Variants in RNF213 observed in about 807,000 individuals in gnomAD.
RNF213 encodes the protein ring finger protein 213.
RNF213 carries 341 observed loss-of-function variants against 514.4 expected under a neutral mutation model. That is an observed-to-expected ratio of 0.66 (90% CI 0.61 to 0.73). The LOEUF (loss-of-function observed/expected upper bound fraction) is 0.73, where lower values mean the gene tolerates loss of function less well. RNF213 is among the 30% of genes least tolerant of loss of function. RNF213 has a pLI of 0.00. For missense variants in RNF213, 5,767 were observed against 6,615.6 expected (o/e 0.87, Z 4.45); for synonymous variants, 2,655 against 2,658.2 (o/e 1.00, Z 0.04).
At chr17:80,307,254 TC>T (rs2045396194) in intron 13 of RNF213, 53 bp downstream of exon 13, 1 of 1,522,750 alleles carries the variant, frequency 6.6e-7, no homozygotes, top group Admixed American at 1.7e-5. Flanking sequence ...CCCGGGGGCT[TC>T]CTCTGACCCC....
rs2078267036 is a variant in RNF213, at chr17:80,345,136, C to T, written c.6801C>T (p.Leu2267=). The T allele has an allele frequency of 1.2e-6, 2 of 1,614,010 alleles. No individual in the cohort carries two copies. Among genetic ancestry groups the T allele is most frequent in the Admixed American group, 1.7e-5 (1 of 59,994 alleles). ...FMARDFATPS[L]HTSDQSPGKH... ...CAAGAGATTTTGCCACACCATCACT[C>T]CACACCTCTGACCAAAGCCCGGGGA... The change falls in exon 29 of 68, where the codon CTC becomes CTT. Residue 2267 remains leucine (L), a synonymous_variant. Transcript: ENST00000582970. The surrounding 1 kb of genome is among the most constrained non-coding windows in gnomAD (Gnocchi z 6.0).
At chr17:80,368,921 A>T (rs2079393369) in intron 44 of RNF213, among the ~76,000 whole-genome samples, 1 of 152,098 alleles carries the variant, frequency 6.6e-6, no homozygotes, top group South Asian at 2.1e-4. Context: ...GCCTCCTAAA[A>T]GTGGGGCACC....
At chr17:80,300,386 A>G (rs8070920) in intron 11 of RNF213, among the ~76,000 whole-genome samples, 67,427 of 151,110 alleles carry the variant, frequency 0.45, 17,427 homozygotes, top group African/African-American at 0.73. Context: ...TGGGATTGGT[A>G]GTGTGCGCCA....
At chr17:80,342,800 C>T (rs2078199496) in intron 26 of RNF213, among the ~76,000 whole-genome samples, 1 of 148,282 alleles carries the variant, frequency 6.7e-6, no homozygotes, top group Non-Finnish European at 1.5e-5. Flanking sequence ...TTCGCTCTGT[C>T]ACCCTAACGA....
intron 20 of RNF213, among the ~76,000 whole-genome samples, chr17:80,330,514 C>T (rs1014559957): frequency 2.2e-4 from 34 of 152,136 alleles, no homozygotes; most frequent in African/African-American, 7.5e-4. Context: ...CTTGGCATCC[C>T]GTGCGTGGTC....
rs570594413 is a variant in RNF213, at chr17:80,376,467, C to T, written c.13352C>T (p.Ala4451Val). 4 of 1,614,192 alleles carry T rather than the reference C, an allele frequency of 2.5e-6. No individual in the cohort carries two copies. The South Asian group carries it at 4.4e-5, about 18-fold the overall frequency. Reference sequence around the variant, plus strand: ...GTGACAGAAATGGCCATTCATGCTGCAGCCGTCCTTCTGTGTGGACAGAAT... The same window carrying T: ...GTGACAGAAATGGCCATTCATGCTGTAGCCGTCCTTCTGTGTGGACAGAAT... ...GTVTEMAIHA[A>V]AVLLCGQNEL... The change falls in exon 52 of 68, where the codon GCA becomes GTA. Residue 4451 changes from alanine to valine, a missense_variant. Ala to Val is a moderately conservative substitution (Grantham distance 64). Coordinates refer to ENST00000582970, the MANE Select transcript of RNF213 (RefSeq NM_001256071.3).
intron 19 of RNF213, 76 bp from the exon 20 acceptor site, chr17:80,328,252 C>T (rs542269694): frequency 3.3e-5 from 48 of 1,457,492 alleles, no homozygotes; most frequent in Admixed American, 2.1e-4. Context: ...GAAGGTGCGG[C>T]GCTTTCAAAG....
At chr17:80,354,260 C>G in intron 35 of RNF213, 94 bp downstream of exon 35, 1 of 1,519,620 alleles carries the variant, frequency 6.6e-7, no homozygotes, top group Non-Finnish European at 9.1e-7. Flanking sequence ...GACACCCTCT[C>G]AGGTTTCCAT....
intron 11 of RNF213, among the ~76,000 whole-genome samples, chr17:80,303,296 T>A (rs143262287): frequency 3.7e-4 from 57 of 152,282 alleles, no homozygotes; most frequent in African/African-American, 1.3e-3. Context: ...ACAGAGGTAA[T>A]GACTGCAGCA....
chr17:80,317,357 ATCTCAGCAGTGCC>A lies in RNF213; in HGVS notation c.2901+85_2901+97del. On this transcript the variant is annotated intron_variant, in intron 16 of 67. Transcript: ENST00000582970. This position sits in a 1 kb window ranked among gnomAD's most constrained non-coding sequence, Gnocchi z 4.1. ...CCAGACCATTAGCGACAGCCAAGAG[ATCTCAGCAGTGCC>A]TCTCTGTGGGCAGGGATGGGGTGAA... is the stretch of plus-strand genomic sequence containing the variant. 7.9e-7 allele frequency: 1 copy of A among 1,267,132 alleles called. No individual in the cohort carries two copies. The highest frequency in any genetic ancestry group is 1.1e-6 in the Non-Finnish European group (1 of 879,434). The allele number at this position is 1,267,132 out of a possible 1,614,324, so 78.5% of individuals were successfully genotyped here. A position where few individuals can be genotyped will look rare whatever the true frequency, so the allele number is the denominator to read the frequency against.
At chr17:80,379,297 G>A (rs1463392983) in intron 54 of RNF213, among the ~76,000 whole-genome samples, 1 of 152,236 alleles carries the variant, frequency 6.6e-6, no homozygotes, top group Non-Finnish European at 1.5e-5. Flanking sequence ...AGGCTAGTGT[G>A]ATAGATGGAG....
At chr17:80,388,888 G>A in intron 64 of RNF213, 199 bp downstream of exon 64, 1 of 638,736 alleles carries the variant, frequency 1.6e-6, no homozygotes, top group Non-Finnish European at 2.8e-6. Flanking sequence ...CATCTTGTGG[G>A]TTTGATTCTT....
Position 80,353,285 on chromosome 17 carries a change from C to T in RNF213, c.10423+226C>T. ...GGTAGAGCTCTGTGAGCAGGCCAGC[C>T]ATGGAAGTGAGCACCTAGAACACGC... On this transcript the variant is annotated intron_variant, in intron 33 of 67. Coordinates refer to ENST00000582970, the MANE Select transcript of RNF213 (RefSeq NM_001256071.3). The surrounding 1 kb of genome is among the most constrained non-coding windows in gnomAD (Gnocchi z 5.0). 1.3e-6 allele frequency: 1 copy of T among 781,552 alleles called. No individual in the cohort carries two copies. The highest frequency in any genetic ancestry group is 2.2e-5 in the Admixed American group (1 of 45,702). 48.4% of individuals were successfully genotyped at this position (781,552 alleles called of 1,614,324 possible).
chr17:80,285,659 CTGCTTCTGCAGT>C (rs2044444817), intron 3 of RNF213, among the ~76,000 whole-genome samples: 1 of 151,804 alleles, frequency 6.6e-6, no homozygotes. Context: ...TCTTCTGCAG[CTGCTTCTGCAGT>C]TGCTTTTTTT....
chr17:80,374,698 CATCACGTGACACTGTATTGGAA>C (rs762924746), intron 50 of RNF213, 109 bp downstream of exon 50: 111 of 1,282,466 alleles, frequency 8.7e-5, no homozygotes, highest in Non-Finnish European at 1.2e-4. Flanking sequence ...TGATGCAGCC[CATCACGTGACACTGTATTGGAA>C]GTCACGTGCC....
At chr17:80,279,846 C>T (rs1310519970) in intron 3 of RNF213, among the ~76,000 whole-genome samples, 2 of 152,176 alleles carry the variant, frequency 1.3e-5, no homozygotes, top group South Asian at 2.1e-4. Context: ...TTAGGTAACA[C>T]ATGTAATGAA....
chr17:80,323,989 G>A (rs1319811844), intron 17 of RNF213, among the ~76,000 whole-genome samples: 1 of 152,124 alleles, frequency 6.6e-6, no homozygotes, highest in Admixed American at 6.6e-5. Flanking sequence ...GTGTGTGTGT[G>A]TGTGTGCATG....
At chr17:80,299,866 ATCTATGT>A (rs2045109393) in intron 11 of RNF213, among the ~76,000 whole-genome samples, 1 of 152,166 alleles carries the variant, frequency 6.6e-6, no homozygotes, top group Admixed American at 6.6e-5. Context: ...CTCCAGCTCC[ATCTATGT>A]TCCTGCAAAG....
chr17:80,293,834 A>C (rs909899372), intron 8 of RNF213, among the ~76,000 whole-genome samples: 1 of 152,000 alleles, frequency 6.6e-6, no homozygotes, highest in African/African-American at 2.4e-5. Flanking sequence ...CTAAAAAAAA[A>C]AAAACATGTG....
Sources: allele counts gnomAD v4.1 joint callset (sites outside exome capture counted in the v4.1 genomes callset), GRCh38; gene constraint gnomAD v4.1.1; non-coding constraint Gnocchi (gnomAD v3.1); transcripts MANE v1.5; gene names NCBI Gene and HGNC (gene_info 2026-07-23, HGNC 2026-07-21).